The following SPCS2 variants were observed in gnomAD, a reference collection of about 807,000 sequenced individuals.
SPCS2 encodes SPase 25 kDa subunit.
SPCS2 carries 3 observed loss-of-function variants against 22.3 expected under a neutral mutation model. The ratio of observed to expected loss-of-function variants is 0.13; its 90% CI spans 0.06 to 0.35. SPCS2 has a LOEUF of 0.35. Among genes scored for constraint, SPCS2 ranks in the 10% least tolerant of loss-of-function variants. SPCS2 has a pLI of 1.00. For synonymous variants in SPCS2, 67 were observed against 97.2 expected (o/e 0.69, Z 1.83); for missense variants, 169 against 280.9 (o/e 0.60, Z 2.85).
intron 1 of SPCS2, 75 bp from the exon 2 acceptor site, chr11:74,964,959 C>T: frequency 1.0e-6 from 1 of 972,660 alleles, no homozygotes; most frequent in Non-Finnish European, 1.6e-6. Context: ...GAGGGATGCT[C>T]TTAAAAAATG....
intron 4 of SPCS2, among the ~76,000 whole-genome samples, chr11:74,973,538 C>A (rs185891344): frequency 4.5e-4 from 68 of 152,314 alleles, no homozygotes; most frequent in Non-Finnish European, 7.9e-4. Flanking sequence ...AAGTATCCCA[C>A]CCTGACCATT....
chr11:74,965,678 T>C lies in SPCS2; in HGVS notation c.199-85T>C, dbSNP rs542264236. 9.1e-6 allele frequency: 11 copies of C among 1,212,300 alleles called. No individual in the cohort carries two copies. In the African/African-American group the frequency reaches 1.5e-4, roughly 17 times the overall value. The allele number at this position is 1,212,300 out of a possible 1,614,324, so 75.1% of individuals were successfully genotyped here. On this transcript the variant is annotated intron_variant, in intron 2 of 4. Coordinates refer to ENST00000263672, the MANE Select transcript of SPCS2 (RefSeq NM_014752.3). ...GGGAACTACTTGGTAATTCATATGATTCTTTTATCATGGAAATCAAGAATA... is the reference window on the plus strand; with the variant it reads ...GGGAACTACTTGGTAATTCATATGACTCTTTTATCATGGAAATCAAGAATA...
intron 4 of SPCS2, among the ~76,000 whole-genome samples, chr11:74,974,312 C>T (rs1190863609): frequency 6.6e-6 from 1 of 152,212 alleles, no homozygotes; most frequent in African/African-American, 2.4e-5. Context: ...CTTCTCTGAA[C>T]TCTAAATATA....
At chr11:74,963,555 GTTTGTTTGTTTGTTTA>G (rs1231497888) in intron 1 of SPCS2, 2 of 416,106 alleles carry the variant, frequency 4.8e-6, no homozygotes, top group South Asian at 1.7e-5. Context: ...TTGTTTGTTT[GTTTGTTTGTTTGTTTA>G]TTTATTTATT....
At chr11:74,966,135 G>A (rs1000972786) in intron 3 of SPCS2, among the ~76,000 whole-genome samples, 10 of 152,216 alleles carry the variant, frequency 6.6e-5, no homozygotes, top group Admixed American at 5.2e-4. Context: ...TTATTTTATC[G>A]TAATTCATTT....
At chr11:74,954,663 G>T (rs1948466137) in intron 1 of SPCS2, among the ~76,000 whole-genome samples, 1 of 152,086 alleles carries the variant, frequency 6.6e-6, no homozygotes, top group Non-Finnish European at 1.5e-5. Flanking sequence ...ACAAGGTGCT[G>T]GCCTTTTAAT....
chr11:74,969,428 A>G (rs1948568041), intron 3 of SPCS2, 137 bp from the exon 4 acceptor site: 1 of 781,656 alleles, frequency 1.3e-6, no homozygotes. Context: ...GAAATAGCTA[A>G]ATTTTCAGTG....
chr11:74,949,394 G>C lies in SPCS2; in HGVS notation c.109G>C (p.Asp37His). 3 of 1,551,352 alleles carry C rather than the reference G, an allele frequency of 1.9e-6. No homozygotes were observed. The highest frequency in any genetic ancestry group is 2.4e-5 in the East Asian group (1 of 40,916). ...GTGSGRSGLLDKWKIDDKPVK... is the reference protein window; with the variant it reads ...GTGSGRSGLLHKWKIDDKPVK... ...AGGAAGTGGCCGTAGCGGCTTGTTG[G>C]ATAAGGTGAGGAGCCGGTTCTTGGG... Residue 37 changes from aspartate to histidine, a missense_variant, in exon 1 of 5, where the codon GAT (aspartate) becomes CAT (histidine). Asp to His is a moderately conservative substitution (Grantham distance 81, BLOSUM62 -1). Transcript: ENST00000263672.
chr11:74,969,844 C>A, intron 4 of SPCS2, 145 bp downstream of exon 4: 1 of 998,368 alleles, frequency 1.0e-6, no homozygotes, highest in Non-Finnish European at 1.5e-6. Context: ...TATGGATGAT[C>A]TAGAAGGTTT....
chr11:74,969,026 A>G (rs1465558412), intron 3 of SPCS2, among the ~76,000 whole-genome samples: 1 of 152,206 alleles, frequency 6.6e-6, no homozygotes, highest in Non-Finnish European at 1.5e-5. Context: ...AGTTTTTGGC[A>G]AACTATAAGT....
intron 3 of SPCS2, among the ~76,000 whole-genome samples, 176 bp downstream of exon 3, chr11:74,966,099 T>C (rs1948543680): frequency 6.6e-6 from 1 of 152,248 alleles, no homozygotes; most frequent in South Asian, 2.1e-4. Flanking sequence ...ATAGTAACTG[T>C]CACTGATATT....
Position 74,949,350 on chromosome 11 carries a change from G to T in SPCS2, c.65G>T (p.Gly22Val), listed in dbSNP as rs1429034590. Residue 22 changes from glycine to valine, a missense_variant, in exon 1 of 5, where the codon GGT becomes GTT. This residue lies in a region of SPCS2 where 51 missense variants were observed against 37.8 expected (regional missense o/e 1.35). Transcript: ENST00000263672. The part of the protein sequence containing the change: ...GGSGGCSGAG[G>V]ASNCGTGSGR... ...AGCGGAGGCTGTAGTGGGGCTGGTG[G>T]TGCTTCCAACTGCGGGACAGGAAGT... 6.4e-7 allele frequency: 1 copy of T among 1,551,574 alleles called. No individual in the cohort carries two copies. Among genetic ancestry groups the T allele is most frequent in the South Asian group, 1.2e-5 (1 of 84,064 alleles).
intron 1 of SPCS2, among the ~76,000 whole-genome samples, chr11:74,962,097 G>A (rs1321989777): frequency 6.6e-6 from 1 of 152,142 alleles, no homozygotes; most frequent in African/African-American, 2.4e-5. Context: ...TCTGCTTAGT[G>A]CTGCAATAAA....
chr11:74,972,799 G>T (rs1435930167), intron 4 of SPCS2, among the ~76,000 whole-genome samples: 4 of 150,000 alleles, frequency 2.7e-5, no homozygotes, highest in Admixed American at 6.6e-5. Flanking sequence ...TACCATATAA[G>T]GTTATAAGAC....
intron 1 of SPCS2, among the ~76,000 whole-genome samples, chr11:74,960,129 G>C (rs1948503580): frequency 6.6e-6 from 1 of 152,144 alleles, no homozygotes; most frequent in Non-Finnish European, 1.5e-5. Context: ...CCAGGAGTTC[G>C]AGACTAGCCT....
chr11:74,958,108 G>C (rs568030039), intron 1 of SPCS2, among the ~76,000 whole-genome samples: 2 of 152,300 alleles, frequency 1.3e-5, no homozygotes, highest in Middle Eastern at 3.4e-3. Flanking sequence ...TTCATGGGCT[G>C]GGTTGATGTA....
intron 1 of SPCS2, among the ~76,000 whole-genome samples, chr11:74,961,124 C>T (rs922517002): frequency 2.0e-5 from 3 of 151,104 alleles, no homozygotes; most frequent in Non-Finnish European, 4.4e-5. Flanking sequence ...GTGAGGGAGA[C>T]AATACATACA....
intron 1 of SPCS2, among the ~76,000 whole-genome samples, chr11:74,951,725 G>A (rs570447645): frequency 6.8e-5 from 10 of 148,048 alleles, no homozygotes; most frequent in African/African-American, 2.5e-4. Flanking sequence ...CAGGAGAATC[G>A]CTTGAACCCG....
intron 1 of SPCS2, among the ~76,000 whole-genome samples, chr11:74,957,696 A>C (rs779015684): frequency 5.3e-5 from 8 of 152,172 alleles, no homozygotes; most frequent in Non-Finnish European, 1.2e-4. Context: ...CTCTATGTCT[A>C]CTTCTTACCA....
Sources: allele counts gnomAD v4.1 joint callset (sites outside exome capture counted in the v4.1 genomes callset), GRCh38; gene constraint gnomAD v4.1.1; regional missense constraint gnomAD v4.1.1; transcripts MANE v1.5; gene names NCBI Gene and HGNC (gene_info 2026-07-23, HGNC 2026-07-21).